The following CXCL13 variants were observed in gnomAD, a reference collection of about 807,000 sequenced individuals.
CXCL13 encodes the protein C-X-C motif chemokine 13.
Under a neutral mutation model 12.2 loss-of-function variants are expected in CXCL13, and 7 were observed. The observed-to-expected ratio is 0.57, with a 90% confidence interval of 0.33 to 1.07. CXCL13 has a LOEUF of 1.07. Among genes scored for constraint, CXCL13 ranks in the 50% least tolerant of loss-of-function variants. The pLI is 0.04. For missense variants in CXCL13, 113 were observed against 127.4 expected (o/e 0.89, Z 0.55); for synonymous variants, 47 against 42.4 (o/e 1.11, Z -0.42).
chr4:77,545,224 A>G (rs1725326345), intron 1 of CXCL13, among the ~76,000 whole-genome samples: 1 of 152,198 alleles, frequency 6.6e-6, no homozygotes, highest in African/African-American at 2.4e-5. Flanking sequence ...TGTCTTGGCA[A>G]TGCGGGCTCT....
chr4:77,588,570 T>C (rs1338613962), intron 1 of CXCL13, among the ~76,000 whole-genome samples: 1 of 152,242 alleles, frequency 6.6e-6, no homozygotes, highest in African/African-American at 2.4e-5. Flanking sequence ...AATTTTTTCT[T>C]ATTTGTCCTT....
At position 77,565,840 on chromosome 4, in the gene CXCL13, G is replaced by A. The variant is rs1322338080; in HGVS notation, c.-42-39984G>A. ...AAAATTGATGGAAGAATGGCAGCCA[G>A]GTTTGGCCTTAAAGAAACTGCATTT... On this transcript the variant is annotated intron_variant, in intron 1 of 4. Coordinates refer to the CXCL13 transcript ENST00000286758. 5.3e-5 allele frequency among the ~76,000 whole-genome samples: 8 copies of A among 152,214 alleles called. No homozygotes were observed. The South Asian group carries it at 1.5e-3, about 28-fold the overall frequency.
chr4:77,522,485 T>C (rs1724633251), intron 1 of CXCL13, among the ~76,000 whole-genome samples: 1 of 148,322 alleles, frequency 6.7e-6, no homozygotes, highest in African/African-American at 2.5e-5. Flanking sequence ...TAAAGTCTGT[T>C]TTATCAGAGA....
In CXCL13 at chr4:77,518,218, G is replaced by T. The variant is rs189098787; in HGVS notation, c.-43+6430G>T. On this transcript the variant is annotated intron_variant, in intron 1 of 4. Transcript: ENST00000286758. ...GGTAACCCGACCTTTCTCTCTGGCT[G>T]CCCTTAACATTTTTTCCTTCATTTC... Among the ~76,000 whole-genome samples the T allele has an allele frequency of 1.7e-4, 26 of 152,284 alleles. 1 individual carries two copies. The highest frequency in any genetic ancestry group is 6.3e-4 in the African/African-American group (26 of 41,560).
intron 1 of CXCL13, among the ~76,000 whole-genome samples, chr4:77,539,140 C>G (rs968049581): frequency 6.6e-6 from 1 of 151,286 alleles, no homozygotes; most frequent in Non-Finnish European, 1.5e-5. Context: ...TCTCAGCTCA[C>G]TGCAACCTCT....
intron 1 of CXCL13, among the ~76,000 whole-genome samples, chr4:77,519,713 G>A (rs1724527777): frequency 6.6e-6 from 1 of 152,106 alleles, no homozygotes. Flanking sequence ...AAGATCTTTA[G>A]TTTAATTAGA....
intron 1 of CXCL13, among the ~76,000 whole-genome samples, chr4:77,515,640 T>C (rs1167770756): frequency 6.6e-6 from 1 of 152,280 alleles, no homozygotes; most frequent in Non-Finnish European, 1.5e-5. Flanking sequence ...ATGCTTGTGA[T>C]TTTTGCACAT....
intron 1 of CXCL13, among the ~76,000 whole-genome samples, chr4:77,518,162 C>T (rs1724477173): frequency 6.6e-6 from 1 of 152,170 alleles, no homozygotes; most frequent in Admixed American, 6.5e-5. Flanking sequence ...GCTGAGAGAT[C>T]CGCTGTTAGT....
At chr4:77,582,550 C>T (rs1246811403) in intron 1 of CXCL13, among the ~76,000 whole-genome samples, 3 of 152,108 alleles carry the variant, frequency 2.0e-5, no homozygotes, top group Non-Finnish European at 2.9e-5. Flanking sequence ...ATAAAACCAG[C>T]GTGGGGGAAG....
At chr4:77,519,206 G>A (rs1190041108) in intron 1 of CXCL13, among the ~76,000 whole-genome samples, 1 of 152,166 alleles carries the variant, frequency 6.6e-6, no homozygotes, top group Non-Finnish European at 1.5e-5. Context: ...GCCCCTACTG[G>A]GGGATGCCTC....
intron 1 of CXCL13, among the ~76,000 whole-genome samples, chr4:77,579,429 A>G (rs1436871815): frequency 2.6e-5 from 4 of 152,296 alleles, no homozygotes; most frequent in East Asian, 1.9e-4. Context: ...CTTTAATTCA[A>G]TTACAGCCTC....
intron 1 of CXCL13, among the ~76,000 whole-genome samples, chr4:77,538,872 C>T (rs1156294063): frequency 1.3e-5 from 2 of 152,168 alleles, no homozygotes; most frequent in Non-Finnish European, 2.9e-5. Flanking sequence ...CCATTTGGGT[C>T]TGTAGCAACC....
chr4:77,534,404 G>T (rs2109796869), intron 1 of CXCL13, among the ~76,000 whole-genome samples: 1 of 152,228 alleles, frequency 6.6e-6, no homozygotes, highest in African/African-American at 2.4e-5. Context: ...ATACTACCCA[G>T]AAATAAAACG....
At chr4:77,528,247 AT>A (rs1376925402) in intron 1 of CXCL13, among the ~76,000 whole-genome samples, 3 of 152,172 alleles carry the variant, frequency 2.0e-5, no homozygotes, top group Non-Finnish European at 4.4e-5. Context: ...ATATGTGTGC[AT>A]GTGTCTTTAT....
At chr4:77,562,041 C>G (rs1725827195) in intron 1 of CXCL13, among the ~76,000 whole-genome samples, 1 of 152,156 alleles carries the variant, frequency 6.6e-6, no homozygotes, top group African/African-American at 2.4e-5. Flanking sequence ...GCGCCGGGTC[C>G]CCCAGCAGTG....
At chr4:77,589,873 G>C (rs1726566777) in intron 1 of CXCL13, among the ~76,000 whole-genome samples, 1 of 152,172 alleles carries the variant, frequency 6.6e-6, no homozygotes, top group Non-Finnish European at 1.5e-5. Context: ...CCATTCAACA[G>C]ACAACACACT....
chr4:77,587,444 G>T (rs1220198531), intron 1 of CXCL13, among the ~76,000 whole-genome samples: 1 of 152,174 alleles, frequency 6.6e-6, no homozygotes, highest in Non-Finnish European at 1.5e-5. Context: ...GGAGACACGT[G>T]CAAAAATAAA....
rs573020753 is a variant in CXCL13 at position 77,520,805 on chromosome 4, A to G, written c.-43+9017A>G. 1.2e-4 allele frequency among the ~76,000 whole-genome samples: 18 copies of G among 152,234 alleles called. 2 individuals are homozygous for G. In the East Asian group the frequency reaches 1.9e-3, roughly 16 times the overall value. The stretch of plus-strand genomic sequence containing the variant: ...CTCTGTCTTGTGCCAGTTTTCAAAG[A>G]GAATGCTTCCAGTTTTTGCCCATTC... On this transcript the variant is annotated intron_variant, in intron 1 of 4. Transcript: ENST00000286758.
At position 77,552,578 on chromosome 4, in the gene CXCL13, G is replaced by A. The variant is rs114645724; in HGVS notation, c.-43+40790G>A. 2.8e-3 allele frequency among the ~76,000 whole-genome samples: 425 copies of A among 152,376 alleles called. 3 individuals carry two copies. Among genetic ancestry groups the A allele is most frequent in the African/African-American group, 9.7e-3 (404 of 41,590 alleles). On this transcript the variant is annotated intron_variant, in intron 1 of 4. Transcript: ENST00000286758. ...TGAGCTCCCTCCTTACCCCTGGAGA[G>A]GCAGGGGGCAAGATGTGTGGGGCTG...
Sources: gnomAD v4.1 joint callset for allele counts (sites outside exome capture counted in the v4.1 genomes callset) on GRCh38, gnomAD v4.1.1 for gene constraint, MANE v1.5 for transcripts, NCBI Gene and HGNC (gene_info 2026-07-23, HGNC 2026-07-21) for gene names.